The following FAM161A variants were observed in gnomAD, a reference collection of about 807,000 sequenced individuals.
FAM161A encodes the protein protein FAM161A.
FAM161A carries 57 observed loss-of-function variants against 70.9 expected under a neutral mutation model. The ratio of observed to expected loss-of-function variants is 0.80; its 90% CI spans 0.65 to 1.00. FAM161A has a LOEUF of 1.00. Among genes scored for constraint, FAM161A ranks in the 50% least tolerant of loss-of-function variants. The pLI is 0.00. For missense variants in FAM161A, 880 were observed against 836.0 expected (o/e 1.05, Z -0.65); for synonymous variants, 299 against 295.7 (o/e 1.01, Z -0.12).
Position 61,854,000 on chromosome 2 carries a change from A to G in FAM161A, c.42T>C (p.Ser14=). Residue 14 remains serine (S), a synonymous_variant, in exon 1 of 7, where the codon AGT becomes AGC. Transcript: ENST00000404929. ...SHRVAKLVAS[S]LQTPVNPITG... The stretch of plus-strand genomic sequence containing the variant: ...TGATGGGATTTACCGGGGTCTGGAG[A>G]CTGGAGGCCACCAGCTTCGCCACTC... The G allele has an allele frequency of 6.2e-7, 1 of 1,612,972 alleles. No homozygotes were observed. Among genetic ancestry groups the G allele is most frequent in the South Asian group, 1.1e-5 (1 of 90,964 alleles).
At chr2:61,834,771 C>T (rs1265741709) in intron 5 of FAM161A, among the ~76,000 whole-genome samples, 1 of 151,726 alleles carries the variant, frequency 6.6e-6, no homozygotes, top group East Asian at 1.9e-4. Flanking sequence ...CTGGCATACC[C>T]TTGTAACAAA....
the FAM161A span, among the ~76,000 whole-genome samples, chr2:61,812,034 A>G: frequency 6.6e-6 from 1 of 151,920 alleles, no homozygotes; most frequent in Non-Finnish European, 1.5e-5. Context: ...CTGTTCCTCT[A>G]TCTAAGATGC....
intron 1 of FAM161A, among the ~76,000 whole-genome samples, chr2:61,844,152 A>G (rs1327138927): frequency 6.6e-6 from 1 of 152,160 alleles, no homozygotes; most frequent in Non-Finnish European, 1.5e-5. Flanking sequence ...CCAAAAAAAA[A>G]AGCAGTCTTC....
chr2:61,805,702 G>A, the FAM161A span, among the ~76,000 whole-genome samples: 1 of 152,050 alleles, frequency 6.6e-6, no homozygotes, highest in African/African-American at 2.4e-5. Context: ...GTTCAGTCCT[G>A]TACCAGGCAC....
chr2:61,807,309 A>G, the FAM161A span, among the ~76,000 whole-genome samples: 1 of 151,824 alleles, frequency 6.6e-6, no homozygotes, highest in African/African-American at 2.4e-5. Context: ...AAAAAAAAAA[A>G]CCTAGAAAAA....
the FAM161A span, among the ~76,000 whole-genome samples, chr2:61,809,285 G>A: frequency 7.9e-5 from 12 of 152,098 alleles, no homozygotes; most frequent in Admixed American, 3.9e-4. Context: ...TCCCTGGCCC[G>A]TCAACACTGC....
chr2:61,802,549 G>C, the FAM161A span, among the ~76,000 whole-genome samples: 2 of 152,244 alleles, frequency 1.3e-5, no homozygotes, highest in Admixed American at 1.3e-4. Flanking sequence ...AATATATTCA[G>C]AAGATGGTAT....
At chr2:61,805,069 T>C in the FAM161A span, among the ~76,000 whole-genome samples, 1 of 152,148 alleles carries the variant, frequency 6.6e-6, no homozygotes, top group African/African-American at 2.4e-5. Flanking sequence ...GATAACATTC[T>C]TTTCTCCTGA....
chr2:61,851,041 AT>A (rs1404788680), intron 1 of FAM161A, among the ~76,000 whole-genome samples: 2 of 150,290 alleles, frequency 1.3e-5, no homozygotes, highest in African/African-American at 4.9e-5. Context: ...CGCCCGGCTA[AT>A]TTTGTATTTT....
At chr2:61,817,711 A>G in the FAM161A span, among the ~76,000 whole-genome samples, 8 of 152,244 alleles carry the variant, frequency 5.3e-5, no homozygotes, top group African/African-American at 1.9e-4. Flanking sequence ...TCATGCCTGT[A>G]ATCCCAACAC....
intron 4 of FAM161A, 47 bp from the exon 5 acceptor site, chr2:61,836,156 A>T (rs1181065145): frequency 2.3e-6 from 3 of 1,312,824 alleles, no homozygotes; most frequent in Non-Finnish European, 3.3e-6. Flanking sequence ...CATCTAAGAA[A>T]TAAGAACTTA....
chr2:61,815,480 C>T, the FAM161A span, among the ~76,000 whole-genome samples: 4 of 145,556 alleles, frequency 2.7e-5, no homozygotes, highest in Non-Finnish European at 6.0e-5. Context: ...CCAACCTGAG[C>T]AAAGTGTCTG....
chr2:61,824,896 C>T lies in FAM161A; in HGVS notation c.*1559G>A, dbSNP rs995663633. ...CTTTATTAAGTACCTACCATATGTA[C>T]AATACTGTTCCAAATATTAAGGGAA... On this transcript the variant is annotated 3_prime_UTR_variant, in exon 7 of 7. Coordinates refer to ENST00000404929, the MANE Select transcript of FAM161A (RefSeq NM_001201543.2). 2.0e-5 allele frequency: 9 copies of T among 446,500 alleles called. No homozygotes were observed. The highest frequency in any genetic ancestry group is 4.0e-5 in the Non-Finnish European group (9 of 224,870). 27.7% of individuals were successfully genotyped at this position (446,500 alleles called of 1,614,324 possible).
At chr2:61,804,897 A>G in the FAM161A span, among the ~76,000 whole-genome samples, 2 of 152,104 alleles carry the variant, frequency 1.3e-5, no homozygotes, top group African/African-American at 4.8e-5. Context: ...ACCTCCTAAC[A>G]GATCCCTGAG....
At chr2:61,847,326 C>T (rs937372302) in intron 1 of FAM161A, among the ~76,000 whole-genome samples, 2 of 152,276 alleles carry the variant, frequency 1.3e-5, no homozygotes, top group African/African-American at 4.8e-5. Context: ...CCCTGACTCT[C>T]CTATTTAAAA....
chr2:61,840,391 C>G lies in FAM161A; in HGVS notation c.613G>C (p.Asp205His), dbSNP rs776480271. Residue 205 changes from aspartate (D) to histidine (H), a missense_variant, in exon 3 of 7, where the codon GAC becomes CAC. Coordinates refer to ENST00000404929, the MANE Select transcript of FAM161A (RefSeq NM_001201543.2). ...AKELINNMWT[D>H]FCVEDYIRCK... ...CGAATATAATCCTCAACACAAAAGT[C>G]TGTCCACATATTGTTGATGAGCTCC... The G allele has an allele frequency of 1.5e-5, 25 of 1,613,976 alleles. No individual in the cohort carries two copies. The East Asian group carries it at 4.9e-4, about 32-fold the overall frequency.
At chr2:61,842,031 A>T in intron 2 of FAM161A, 91 bp downstream of exon 2, 1 of 874,470 alleles carries the variant, frequency 1.1e-6, no homozygotes, top group Non-Finnish European at 1.9e-6. Context: ...AGGGCTATTT[A>T]AGAGAAAATA....
the FAM161A span, among the ~76,000 whole-genome samples, chr2:61,807,402 C>T: frequency 4.0e-5 from 6 of 151,792 alleles, no homozygotes; most frequent in East Asian, 1.9e-4. Flanking sequence ...ATAAGCATTG[C>T]GTAGATTGTG....
At chr2:61,827,954 T>C (rs928579562) in intron 5 of FAM161A, among the ~76,000 whole-genome samples, 16 of 152,234 alleles carry the variant, frequency 1.1e-4, no homozygotes, top group Non-Finnish European at 1.6e-4. Flanking sequence ...AATATAATAC[T>C]GAGCAAAAGA....
Sources: gnomAD v4.1 joint callset for allele counts (sites outside exome capture counted in the v4.1 genomes callset) on GRCh38, gnomAD v4.1.1 for gene constraint, MANE v1.5 for transcripts, NCBI Gene and HGNC (gene_info 2026-07-23, HGNC 2026-07-21) for gene names.